The following ASAP1 variants were observed in gnomAD, a reference collection of about 807,000 sequenced individuals.
ASAP1 encodes the protein ArfGAP with SH3 domain, ankyrin repeat and PH domain 1.
A neutral mutation model predicts 145.2 loss-of-function variants in ASAP1; 43 were observed. That is an observed-to-expected ratio of 0.30 (90% CI 0.23 to 0.38). ASAP1 has a LOEUF of 0.38. Among genes scored for constraint, ASAP1 ranks in the 10% least tolerant of loss-of-function variants. The pLI, the probability that ASAP1 is intolerant of heterozygous loss-of-function variation, is 1.00. For synonymous variants in ASAP1, 546 were observed against 515.5 expected (o/e 1.06, Z -0.80); for missense variants, 1,018 against 1,355.3 (o/e 0.75, Z 3.91).
At chr8:130,190,915 C>G (rs1815091609) in intron 5 of ASAP1, among the ~76,000 whole-genome samples, 2 of 152,156 alleles carry the variant, frequency 1.3e-5, no homozygotes, top group Admixed American at 1.3e-4. Flanking sequence ...CTTGTGTATT[C>G]TGTCTCCCTC....
At position 130,053,603 on chromosome 8, in the gene ASAP1, C is replaced by T. The variant is rs967708810; in HGVS notation, c.*1128G>A. 3 of 152,142 alleles carry T rather than the reference C, an allele frequency of 2.0e-5. No homozygotes were observed. The highest frequency in any genetic ancestry group is 4.8e-5 in the African/African-American group (2 of 41,434). The allele number at this position is 152,142 out of a possible 1,614,324, so 9.4% of individuals were successfully genotyped here. On this transcript the variant is annotated 3_prime_UTR_variant, in exon 30 of 30. Coordinates refer to ENST00000518721, the MANE Select transcript of ASAP1 (RefSeq NM_018482.4). ...GGAAAAGAAACACTTGGTTTCAGCA[C>T]CTGGATTCTACATACAGTAGGGAAA...
intron 3 of ASAP1, among the ~76,000 whole-genome samples, chr8:130,301,591 A>T (rs909005321): frequency 1.1e-4 from 16 of 152,216 alleles, no homozygotes; most frequent in African/African-American, 3.9e-4. Flanking sequence ...TATATTGATT[A>T]AATATAAATC....
At chr8:130,419,914 C>A (rs974096625) in intron 1 of ASAP1, among the ~76,000 whole-genome samples, 3 of 151,906 alleles carry the variant, frequency 2.0e-5, no homozygotes, top group African/African-American at 7.3e-5. Flanking sequence ...GCTTTGCTAT[C>A]CCTGGAGCTT....
Position 130,256,744 on chromosome 8 carries a change from T to TATATATATCC in ASAP1, c.187-19751_187-19750insGGATATATAT, listed in dbSNP as rs1198778825. Among the ~76,000 whole-genome samples the TATATATATCC allele has an allele frequency of 2.8e-4, 8 of 28,796 alleles. No homozygotes were observed. The East Asian group carries it at 0.014, about 52-fold the overall frequency. The allele number at this position is 28,796 out of a possible 152,430, so 18.9% of individuals were successfully genotyped here. On this transcript the variant is annotated intron_variant, in intron 3 of 29. Coordinates refer to ENST00000518721, the MANE Select transcript of ASAP1 (RefSeq NM_018482.4). ...CTTCCTGAATATACACATTCTTATA[T>TATATATATCC]ATATATATATATATATATATATATA...
chr8:130,418,563 TAAA>T (rs1052912202), intron 1 of ASAP1, among the ~76,000 whole-genome samples: 2 of 151,216 alleles, frequency 1.3e-5, no homozygotes, highest in African/African-American at 4.9e-5. Flanking sequence ...AATAAATAAA[TAAA>T]TAAATAAAAT....
intron 4 of ASAP1, among the ~76,000 whole-genome samples, chr8:130,222,261 T>C (rs1446530118): frequency 7.4e-6 from 1 of 134,860 alleles, no homozygotes; most frequent in African/African-American, 4.0e-5. Context: ...TAACTGACAC[T>C]ATGTGTTATA....
chr8:130,116,983 A>C lies in ASAP1; in HGVS notation c.1893T>G (p.Asp631Glu). 1 of 1,606,270 alleles carries C rather than the reference A, an allele frequency of 6.2e-7. No individual in the cohort carries two copies. The highest frequency in any genetic ancestry group is 8.5e-7 in the Non-Finnish European group (1 of 1,177,448). Reference sequence around the variant, plus strand: ...CTGTGTTTCCCAGGGCCGTCTGCTTATCCAGGTTCCCACTGAAAAATTAGA... The same window carrying C: ...CTGTGTTTCCCAGGGCCGTCTGCTTCTCCAGGTTCCCACTGAAAAATTAGA... ...DFLVQNCGNL[D>E]KQTALGNTVL... Residue 631 changes from aspartate to glutamate, a missense_variant, in exon 21 of 30, where the codon GAT (aspartate) becomes GAG (glutamate). Asp to Glu is a conservative substitution (Grantham distance 45, BLOSUM62 2). This residue lies in a region of ASAP1 where 353 missense variants were observed against 375.4 expected (regional missense o/e 0.94). Transcript: ENST00000518721.
intron 24 of ASAP1, among the ~76,000 whole-genome samples, chr8:130,093,708 C>T (rs1247189599): frequency 2.2e-5 from 3 of 137,076 alleles, no homozygotes; most frequent in African/African-American, 8.3e-5. Context: ...AGAACACTGC[C>T]ACACTGAATG....
chr8:130,072,824 T>TGTGTGTGTGTGTGTGTGTGTGAGCGCGC, intron 27 of ASAP1, among the ~76,000 whole-genome samples: 1 of 32,316 alleles, frequency 3.1e-5, no homozygotes, highest in Non-Finnish European at 5.7e-5. Context: ...TGTGTGTGTG[T>TGTGTGTGTGTGTGTGTGTGTGAGCGCGC]GCGCGCGGGG....
At chr8:130,436,553 C>T (rs965695605) in intron 1 of ASAP1, among the ~76,000 whole-genome samples, 2 of 152,234 alleles carry the variant, frequency 1.3e-5, no homozygotes, top group Non-Finnish European at 2.9e-5. Context: ...TCAAGCAATC[C>T]ACCCGCCTTG....
rs1360252047 is a variant in ASAP1 at position 130,214,659 on chromosome 8, T to C, written c.302A>G (p.Lys101Arg). Residue 101 changes from lysine to arginine, a missense_variant, in exon 5 of 30, where the codon AAG becomes AGG. By Grantham distance (26) the Lys-to-Arg change is conservative. Coordinates refer to ENST00000518721, the MANE Select transcript of ASAP1 (RefSeq NM_018482.4). ...TCGACTTAAAAAATTACTCCCAAAC[T>C]TATCAAGAACTTGTGCATAGTTTTC... ...NEENYAQVLDKFGSNFLSRDN... is the reference protein window; with the variant it reads ...NEENYAQVLDRFGSNFLSRDN... 6.2e-7 allele frequency: 1 copy of C among 1,607,916 alleles called. No homozygotes were observed. The highest frequency in any genetic ancestry group is 8.5e-7 in the Non-Finnish European group (1 of 1,177,424).
rs372633636 is a variant in ASAP1, at chr8:130,115,709, G to A, written c.2091C>T (p.Phe697=). ...CATATTCTACGTGGACGTGTGGATT[G>A]AACTTTCCAGATTTAGCCTGGGAAA... The part of the protein sequence containing the change: ...DLLSQAKSGK[F]NPHVHVEYEW... Residue 697 remains phenylalanine, a synonymous_variant, in exon 23 of 30, where the codon TTC becomes TTT. Coordinates refer to ENST00000518721, the MANE Select transcript of ASAP1 (RefSeq NM_018482.4). The A allele has an allele frequency of 8.7e-6, 14 of 1,613,920 alleles. No homozygotes were observed. Among genetic ancestry groups the A allele is most frequent in the African/African-American group, 2.7e-5 (2 of 74,928 alleles).
intron 18 of ASAP1, among the ~76,000 whole-genome samples, chr8:130,120,239 G>A (rs1050507506): frequency 2.0e-5 from 3 of 152,200 alleles, no homozygotes; most frequent in East Asian, 1.9e-4. Context: ...CCAAAAGAAC[G>A]GCCCAAGCCT....
intron 3 of ASAP1, among the ~76,000 whole-genome samples, chr8:130,275,907 T>C (rs1343456696): frequency 2.0e-5 from 3 of 152,118 alleles, no homozygotes; most frequent in East Asian, 1.9e-4. Flanking sequence ...TACAACCAAG[T>C]AGAAGATAAT....
chr8:130,250,562 A>G (rs1211925090), intron 3 of ASAP1, among the ~76,000 whole-genome samples: 1 of 152,154 alleles, frequency 6.6e-6, no homozygotes, highest in East Asian at 1.9e-4. Context: ...GTTTAGACCC[A>G]ATTGTTTATT....
At chr8:130,126,196 G>C (rs2097574701) in intron 16 of ASAP1, 107 bp from the exon 17 acceptor site, 1 of 1,066,778 alleles carries the variant, frequency 9.4e-7, no homozygotes, top group African/African-American at 1.6e-5. Context: ...GAACTATGAA[G>C]AAAAGACTTA....
chr8:130,253,342 A>G (rs1819319043), intron 3 of ASAP1, among the ~76,000 whole-genome samples: 1 of 152,258 alleles, frequency 6.6e-6, no homozygotes, highest in South Asian at 2.1e-4. Flanking sequence ...ATCCATATAA[A>G]GTGCCTTAGA....
chr8:130,061,736 T>C (rs774278723), intron 27 of ASAP1, among the ~76,000 whole-genome samples: 1 of 152,352 alleles, frequency 6.6e-6, no homozygotes, highest in Non-Finnish European at 1.5e-5. Flanking sequence ...AAGGGATACA[T>C]AGTCTGAAAC....
chr8:130,443,223 C>A (rs7464740), intron 1 of ASAP1, among the ~76,000 whole-genome samples: 132,881 of 151,138 alleles, frequency 0.88, 58,739 homozygotes, highest in East Asian at 0.95. Flanking sequence ...CCTCCCCCCC[C>A]CACCGGGCGG....
Sources: gnomAD v4.1 joint callset for allele counts (sites outside exome capture counted in the v4.1 genomes callset) on GRCh38, gnomAD v4.1.1 for gene constraint, gnomAD v4.1.1 regional missense constraint, MANE v1.5 for transcripts, NCBI Gene and HGNC (gene_info 2026-07-23, HGNC 2026-07-21) for gene names.